SACM1L: variants seen among roughly 807,000 people sequenced by gnomAD.
SACM1L encodes the protein phosphatidylinositol-3-phosphatase SAC1.
Under a neutral mutation model 89.5 loss-of-function variants are expected in SACM1L, and 32 were observed. That is an observed-to-expected ratio of 0.36 (90% CI 0.27 to 0.48). SACM1L has a LOEUF of 0.48. Among genes scored for constraint, SACM1L ranks in the 20% least tolerant of loss-of-function variants. The pLI is 0.99. For missense variants in SACM1L, 543 were observed against 708.5 expected (o/e 0.77, Z 2.65); for synonymous variants, 213 against 232.8 (o/e 0.92, Z 0.77).
chr3:45,698,917 C>T (rs1559536066), intron 1 of SACM1L, among the ~76,000 whole-genome samples: 1 of 152,064 alleles, frequency 6.6e-6, no homozygotes, highest in Non-Finnish European at 1.5e-5. Context: ...ACTACAGGCA[C>T]GTGCCACCGC....
intron 11 of SACM1L, 91 bp downstream of exon 11, chr3:45,723,634 G>A (rs541744027): frequency 4.1e-6 from 2 of 486,408 alleles, no homozygotes; most frequent in Admixed American, 7.6e-5. Flanking sequence ...TAAGTGTACA[G>A]TTCAGTGGCA....
intron 13 of SACM1L, among the ~76,000 whole-genome samples, chr3:45,732,355 C>A (rs1699094245): frequency 6.6e-6 from 1 of 152,054 alleles, no homozygotes; most frequent in Non-Finnish European, 1.5e-5. Context: ...AAAAATGACC[C>A]AAGGCCAGAT....
intron 4 of SACM1L, among the ~76,000 whole-genome samples, chr3:45,708,362 G>A (rs1396980175): frequency 6.6e-6 from 1 of 152,040 alleles, no homozygotes; most frequent in Admixed American, 6.5e-5. Context: ...CCTGTTGAGA[G>A]TGATTGTTTT....
chr3:45,738,984 G>A, intron 18 of SACM1L, 111 bp downstream of exon 18: 2 of 670,964 alleles, frequency 3.0e-6, no homozygotes, highest in Non-Finnish European at 2.6e-6. Context: ...TTCATTACAT[G>A]AAATATAAAT....
intron 4 of SACM1L, 187 bp downstream of exon 4, chr3:45,707,094 G>GTT (rs890035757): frequency 1.1e-3 from 398 of 363,974 alleles, no homozygotes; most frequent in East Asian, 4.9e-3. Flanking sequence ...TGTTGCTCTT[G>GTT]TTTTTTTTTT....
In SACM1L at chr3:45,738,777, C is replaced by G; in HGVS notation, c.1477-4C>G. 1.9e-6 allele frequency: 3 copies of G among 1,596,250 alleles called. No individual in the cohort carries two copies. The highest frequency in any genetic ancestry group is 1.7e-5 in the Admixed American group (1 of 59,820). On this transcript the variant is annotated splice_polypyrimidine_tract_variant and splice_region_variant and intron_variant, in intron 17 of 19. Transcript: ENST00000389061. ...GTTTACGAATTTCTTCCTTTCTGTT[C>G]TAGGATTCCATAGACTTATTTCTTG...
chr3:45,736,171 T>C (rs1699193345), intron 14 of SACM1L, among the ~76,000 whole-genome samples: 1 of 152,124 alleles, frequency 6.6e-6, no homozygotes, highest in South Asian at 2.1e-4. Context: ...GTCTAGCCTC[T>C]TTTTTTTCTA....
chr3:45,735,362 G>C lies in SACM1L; in HGVS notation c.1228G>C (p.Ala410Pro). The change falls in exon 14 of 20, where the codon GCC becomes CCC. Residue 410 changes from alanine (A) to proline (P), a missense_variant. Physicochemically the swap from Ala to Pro is conservative, Grantham distance 27 (BLOSUM62 -1). Around this residue, in one of 2 missense-constraint regions of SACM1L, gnomAD observed 370 missense variants for 527.6 expected, o/e 0.70. Coordinates refer to ENST00000389061, the MANE Select transcript of SACM1L (RefSeq NM_014016.5). ...QSLLARRSLQ[A>P]QLQRLGVLHV... ...TTTGTTAGCTCGTCGTTCACTTCAGGCCCAACTTCAGGTGCGAATGCTTTT... is the reference window on the plus strand; with the variant it reads ...TTTGTTAGCTCGTCGTTCACTTCAGCCCCAACTTCAGGTGCGAATGCTTTT... The C allele has an allele frequency of 6.5e-7, 1 of 1,532,780 alleles. No individual in the cohort carries two copies. Among genetic ancestry groups the C allele is most frequent in the Non-Finnish European group, 8.7e-7 (1 of 1,143,056 alleles). 94.9% of individuals were successfully genotyped at this position (1,532,780 alleles called of 1,614,324 possible). A position where few individuals can be genotyped will look rare whatever the true frequency, so the allele number is the denominator to read the frequency against.
intron 4 of SACM1L, among the ~76,000 whole-genome samples, chr3:45,709,105 C>T (rs778683355): frequency 5.9e-5 from 9 of 152,076 alleles, no homozygotes; most frequent in Non-Finnish European, 8.8e-5. Context: ...TTTTATTTGT[C>T]GAAGATAGCT....
intron 7 of SACM1L, among the ~76,000 whole-genome samples, chr3:45,717,139 G>C (rs1332062093): frequency 6.6e-6 from 1 of 152,300 alleles, no homozygotes; most frequent in Non-Finnish European, 1.5e-5. Flanking sequence ...TATCAAGTCT[G>C]ATGATACCAG....
intron 1 of SACM1L, among the ~76,000 whole-genome samples, chr3:45,696,602 A>G (rs1358066246): frequency 2.0e-5 from 3 of 151,510 alleles, no homozygotes; most frequent in African/African-American, 7.3e-5. Flanking sequence ...CCAGGATTCC[A>G]GTGTCTCCGC....
At chr3:45,743,260 A>G (rs992747565) in intron 19 of SACM1L, among the ~76,000 whole-genome samples, 7 of 152,206 alleles carry the variant, frequency 4.6e-5, no homozygotes. Context: ...TAGCCTCTTG[A>G]TCGGTAGCAT....
At position 45,740,003 on chromosome 3, in the gene SACM1L, A is replaced by C. The variant is rs111234866; in HGVS notation, c.1627+359A>C. 746 of 240,790 alleles carry C rather than the reference A, an allele frequency of 3.1e-3. 5 individuals carry two copies. The highest frequency in any genetic ancestry group is 0.016 in the African/African-American group (693 of 44,118). 14.9% of individuals were successfully genotyped at this position (240,790 alleles called of 1,614,324 possible). On this transcript the variant is annotated intron_variant, in intron 19 of 19. Transcript: ENST00000389061. Reference sequence around the variant, plus strand: ...AGGATCAGTATCTTGTGCTTTTTCCAAAGAGGGTTTTAAGGACTTCAGTAT... The same window carrying C: ...AGGATCAGTATCTTGTGCTTTTTCCCAAGAGGGTTTTAAGGACTTCAGTAT...
intron 8 of SACM1L, 112 bp downstream of exon 8, chr3:45,719,713 T>A (rs1185408095): frequency 1.7e-6 from 1 of 591,954 alleles, no homozygotes; most frequent in Non-Finnish European, 2.9e-6. Context: ...ATAGCCTTGC[T>A]AAGTATTTAT....
intron 19 of SACM1L, among the ~76,000 whole-genome samples, chr3:45,741,239 G>A (rs554048370): frequency 1.1e-4 from 16 of 152,268 alleles, no homozygotes; most frequent in African/African-American, 3.9e-4. Flanking sequence ...CTCTCACAGA[G>A]TGTCTCTCCC....
intron 2 of SACM1L, 41 bp from the exon 3 acceptor site, chr3:45,705,094 C>G: frequency 1.5e-6 from 2 of 1,347,296 alleles, no homozygotes; most frequent in East Asian, 2.3e-5. Flanking sequence ...TGTTGGTGAG[C>G]TTTTTGTATG....
At chr3:45,716,220 T>C (rs1344549096) in intron 7 of SACM1L, among the ~76,000 whole-genome samples, 1 of 152,138 alleles carries the variant, frequency 6.6e-6, no homozygotes, top group Non-Finnish European at 1.5e-5. Flanking sequence ...ATGTCTGTAA[T>C]CTCAGTGCCT....
chr3:45,698,172 T>A (rs545333755), intron 1 of SACM1L, among the ~76,000 whole-genome samples: 1 of 152,308 alleles, frequency 6.6e-6, no homozygotes, highest in African/African-American at 2.4e-5. Flanking sequence ...ATAAAACAAT[T>A]ATGCTTCAGA....
In SACM1L at chr3:45,705,149, C is replaced by T; in HGVS notation, c.145C>T (p.Pro49Ser). Residue 49 changes from proline (P) to serine (S), a missense_variant, in exon 3 of 20, where the codon CCT becomes TCT. This residue lies in a region of SACM1L where 173 missense variants were observed against 180.9 expected (regional missense o/e 0.96). Coordinates refer to ENST00000389061, the MANE Select transcript of SACM1L (RefSeq NM_014016.5). ...EVTLAVKKDV[P>S]PSAVTRPIFG... ...TTCTTTTAAAGTCAAGAAAGATGTT[C>T]CTCCTTCAGCTGTCACAAGACCAAT... 5 of 1,606,600 alleles carry T rather than the reference C, an allele frequency of 3.1e-6. No homozygotes were observed. In the South Asian group the frequency reaches 4.4e-5, roughly 14 times the overall value.
Sources: gnomAD v4.1 joint callset for allele counts (sites outside exome capture counted in the v4.1 genomes callset) on GRCh38, gnomAD v4.1.1 for gene constraint, gnomAD v4.1.1 regional missense constraint, MANE v1.5 for transcripts, NCBI Gene and HGNC (gene_info 2026-07-23, HGNC 2026-07-21) for gene names.